The following PLD5 variants were observed in gnomAD, a reference collection of about 807,000 sequenced individuals.
PLD5 encodes the protein inactive phospholipase D5.
Under a neutral mutation model 61.1 loss-of-function variants are expected in PLD5, and 36 were observed. The observed-to-expected ratio is 0.59, with a 90% CI of 0.45 to 0.78. The LOEUF is 0.78. Ranked by LOEUF, PLD5 falls within the 30% of genes least tolerant of loss-of-function variation. The pLI is 0.00. For missense variants in PLD5, 515 were observed against 644.4 expected (o/e 0.80, Z 2.17); for synonymous variants, 243 against 242.8 (o/e 1.00, Z -0.01).
chr1:242,238,527 C>A (rs1344357628), intron 4 of PLD5, among the ~76,000 whole-genome samples: 1 of 152,130 alleles, frequency 6.6e-6, no homozygotes, highest in Admixed American at 6.6e-5. Context: ...AGACATGCTA[C>A]TATTGAGCTG....
chr1:242,401,322 G>T (rs984839935), intron 1 of PLD5, among the ~76,000 whole-genome samples: 2 of 151,928 alleles, frequency 1.3e-5, no homozygotes, highest in East Asian at 3.9e-4. Context: ...TCAGATAGTT[G>T]CAACAGCCTT....
intron 1 of PLD5, among the ~76,000 whole-genome samples, chr1:242,406,783 G>C (rs551850313): frequency 6.6e-6 from 1 of 152,116 alleles, no homozygotes; most frequent in Non-Finnish European, 1.5e-5. Flanking sequence ...CATGAATATT[G>C]AACTAGGATT....
At chr1:242,381,370 C>A (rs1035725346) in intron 1 of PLD5, among the ~76,000 whole-genome samples, 13 of 152,078 alleles carry the variant, frequency 8.5e-5, no homozygotes, top group African/African-American at 2.2e-4. Flanking sequence ...GGGAGGGAAA[C>A]AACACACACT....
chr1:242,108,963 A>G (rs2148689910), intron 7 of PLD5, among the ~76,000 whole-genome samples: 1 of 152,264 alleles, frequency 6.6e-6, no homozygotes, highest in South Asian at 2.1e-4. Context: ...CACTTGAAAG[A>G]TACTTGCCTC....
chr1:242,514,265 T>G (rs1669029266), intron 1 of PLD5, among the ~76,000 whole-genome samples: 1 of 152,176 alleles, frequency 6.6e-6, no homozygotes, highest in Admixed American at 6.5e-5. Context: ...CCCAAACAGT[T>G]TTTGGCTGTC....
chr1:242,471,186 C>A (rs557871173), intron 1 of PLD5, among the ~76,000 whole-genome samples: 1 of 152,216 alleles, frequency 6.6e-6, no homozygotes, highest in Non-Finnish European at 1.5e-5. Flanking sequence ...TGCACCTACC[C>A]TTTACACCTC....
At chr1:242,205,834 C>G (rs1182855730) in intron 5 of PLD5, among the ~76,000 whole-genome samples, 1 of 152,226 alleles carries the variant, frequency 6.6e-6, no homozygotes, top group Non-Finnish European at 1.5e-5. Flanking sequence ...GCCACATACA[C>G]TGGGTCTTTG....
At chr1:242,138,829 C>A (rs1261577067) in intron 5 of PLD5, among the ~76,000 whole-genome samples, 2 of 152,144 alleles carry the variant, frequency 1.3e-5, no homozygotes, top group African/African-American at 2.4e-5. Context: ...ACTGAAGGAC[C>A]ACACACCTGT....
chr1:242,378,276 A>T (rs1662079964), intron 1 of PLD5, among the ~76,000 whole-genome samples: 2 of 152,222 alleles, frequency 1.3e-5, no homozygotes, highest in Admixed American at 1.3e-4. Flanking sequence ...ATAATGTATG[A>T]TTTCCACTTA....
chr1:242,346,195 T>C (rs1660127131), intron 2 of PLD5, among the ~76,000 whole-genome samples: 1 of 151,008 alleles, frequency 6.6e-6, no homozygotes, highest in Non-Finnish European at 1.5e-5. Context: ...TAGTTACTGA[T>C]AGAAGAAATA....
At chr1:242,093,886 T>G (rs1208428521) in intron 9 of PLD5, among the ~76,000 whole-genome samples, 1 of 152,122 alleles carries the variant, frequency 6.6e-6, no homozygotes, top group African/African-American at 2.4e-5. Flanking sequence ...ATAGCTTTTT[T>G]TTTCCTTCAA....
chr1:242,398,028 C>T (rs533561893), intron 1 of PLD5, among the ~76,000 whole-genome samples: 4 of 152,218 alleles, frequency 2.6e-5, no homozygotes, highest in South Asian at 4.2e-4. Flanking sequence ...AGAAACATTT[C>T]GAAGTGTCTT....
At chr1:242,228,290 CAA>C (rs962865926) in intron 4 of PLD5, among the ~76,000 whole-genome samples, 1 of 152,180 alleles carries the variant, frequency 6.6e-6, no homozygotes, top group African/African-American at 2.4e-5. Flanking sequence ...AAAGAGGAAA[CAA>C]AATCTTCACA....
At chr1:242,522,508 G>C (rs1360252364) in intron 1 of PLD5, among the ~76,000 whole-genome samples, 1 of 152,212 alleles carries the variant, frequency 6.6e-6, no homozygotes, top group Non-Finnish European at 1.5e-5. Context: ...TTTTCAGTAA[G>C]AGAATAAAGG....
chr1:242,511,678 A>C (rs1019411376), intron 1 of PLD5, among the ~76,000 whole-genome samples: 1 of 152,210 alleles, frequency 6.6e-6, no homozygotes, highest in African/African-American at 2.4e-5. Context: ...GGTGAAAAAT[A>C]AGGAAAGCTT....
At chr1:242,314,808 T>A (rs957110036) in intron 2 of PLD5, among the ~76,000 whole-genome samples, 20 of 152,148 alleles carry the variant, frequency 1.3e-4, no homozygotes, top group African/African-American at 2.2e-4. Context: ...CTAATTTAAC[T>A]CTGATCACAA....
chr1:242,471,766 T>C (rs1208372018), intron 1 of PLD5, among the ~76,000 whole-genome samples: 4 of 152,040 alleles, frequency 2.6e-5, no homozygotes, highest in African/African-American at 2.4e-5. Flanking sequence ...TTGGTGAGAG[T>C]ATTTCCTACA....
intron 1 of PLD5, among the ~76,000 whole-genome samples, chr1:242,429,428 T>C (rs1665601894): frequency 6.6e-6 from 1 of 152,194 alleles, no homozygotes; most frequent in Non-Finnish European, 1.5e-5. Context: ...AATACTTTTT[T>C]TAGAGACAAG....
At chr1:242,349,052 TCAAA>T (rs567551466) in intron 1 of PLD5, among the ~76,000 whole-genome samples, 32 of 152,210 alleles carry the variant, frequency 2.1e-4, no homozygotes, top group East Asian at 5.8e-4. Context: ...AGACTCCATC[TCAAA>T]CAAACAAACA....
Sources: allele counts gnomAD v4.1 joint callset (sites outside exome capture counted in the v4.1 genomes callset), GRCh38; gene constraint gnomAD v4.1.1; transcripts MANE v1.5; gene names NCBI Gene and HGNC (gene_info 2026-07-23, HGNC 2026-07-21).